Variants in SESTD1 observed in about 807,000 individuals in gnomAD.
SESTD1 encodes SEC14 domain and spectrin repeat-containing protein 1.
Under a neutral mutation model 101.7 loss-of-function variants are expected in SESTD1, and 43 were observed. The observed-to-expected ratio is 0.42, with a 90% confidence interval of 0.33 to 0.55. The LOEUF is 0.55. SESTD1 is among the 20% of genes least tolerant of loss of function. The pLI is 0.07. For missense variants in SESTD1, 647 were observed against 815.1 expected, an observed-to-expected ratio of 0.79 and a Z score of 2.51; for synonymous variants, 283 against 286.8, an observed-to-expected ratio of 0.99 and a Z score of 0.13.
intron 1 of SESTD1, among the ~76,000 whole-genome samples, chr2:179,207,999 G>A (rs1416936483): frequency 7.5e-6 from 1 of 133,450 alleles, no homozygotes; most frequent in East Asian, 2.0e-4. Flanking sequence ...TAACGAAAAC[G>A]TCTCCAGAGA....
rs1227643660 is a variant in SESTD1, at chr2:179,207,101, C to T, written c.-25-15235G>A. The stretch of plus-strand genomic sequence containing the variant: ...TAGTCTAACCCTGCCGATGGTTTTG[C>T]TCTATCTGCCCTGGTAGCCAAAGAC... On this transcript the variant is annotated intron_variant, in intron 1 of 17. Transcript: ENST00000428443. 1.5e-5 allele frequency among the ~76,000 whole-genome samples: 2 copies of T among 133,694 alleles called. 1 individual carries two copies. The highest frequency in any genetic ancestry group is 6.0e-5 in the African/African-American group (2 of 33,552). 87.7% of individuals were successfully genotyped at this position (133,694 alleles called of 152,430 possible).
At chr2:179,196,299 G>C (rs983986119) in intron 1 of SESTD1, among the ~76,000 whole-genome samples, 1 of 152,232 alleles carries the variant, frequency 6.6e-6, no homozygotes, top group East Asian at 1.9e-4. Flanking sequence ...CTGGCTCGGA[G>C]GGTCCTACAC....
chr2:179,197,429 C>A (rs891226403), intron 1 of SESTD1, among the ~76,000 whole-genome samples: 4 of 152,178 alleles, frequency 2.6e-5, no homozygotes, highest in African/African-American at 9.6e-5. Flanking sequence ...GCAAGGCAGG[C>A]CAACATTCAC....
intron 1 of SESTD1, among the ~76,000 whole-genome samples, chr2:179,256,496 T>C (rs1349127959): frequency 2.0e-5 from 3 of 152,108 alleles, no homozygotes; most frequent in Non-Finnish European, 4.4e-5. Context: ...TGTGACTGAA[T>C]TGCTGCAATC....
intron 1 of SESTD1, among the ~76,000 whole-genome samples, chr2:179,256,664 G>A (rs2047398032): frequency 6.6e-6 from 1 of 151,866 alleles, no homozygotes; most frequent in Non-Finnish European, 1.5e-5. Context: ...TACAAAAAAT[G>A]AGCCGGGCAT....
intron 2 of SESTD1, among the ~76,000 whole-genome samples, chr2:179,183,576 T>C (rs1354059632): frequency 6.6e-6 from 1 of 152,046 alleles, no homozygotes; most frequent in Non-Finnish European, 1.5e-5. Flanking sequence ...AGAAATATGA[T>C]AGTTTGTTAT....
Position 179,203,894 on chromosome 2 carries a change from C to T in SESTD1, c.-25-12028G>A, listed in dbSNP as rs1271134427. Among the ~76,000 whole-genome samples the T allele has an allele frequency of 3.7e-5, 5 of 133,770 alleles. 2 individuals are homozygous for T. Among genetic ancestry groups the T allele is most frequent in the South Asian group, 5.7e-4 (2 of 3,498 alleles). The allele number at this position is 133,770 out of a possible 152,430, so 87.8% of individuals were successfully genotyped here. The stretch of plus-strand genomic sequence containing the variant: ...CCAGCCTGGGCAACATAGCAAGATC[C>T]CTGTCTATAAAAAATAAAAAGAAAC... On this transcript the variant is annotated intron_variant, in intron 1 of 17. Coordinates refer to ENST00000428443, the MANE Select transcript of SESTD1 (RefSeq NM_178123.5).
In SESTD1 at chr2:179,107,397, A is replaced by G. The variant is rs1366132025; in HGVS notation, c.*2502T>C. 1 of 152,198 alleles carries G rather than the reference A, an allele frequency of 6.6e-6. No individual in the cohort carries two copies. The highest frequency in any genetic ancestry group is 6.5e-5 in the Admixed American group (1 of 15,272). The allele number at this position is 152,198 out of a possible 1,614,324, so 9.4% of individuals were successfully genotyped here. ...CCTTATTTTACTTTTTGTAGGCAAG[A>G]TAGCTTAAGGTATATAAAAATTAAC... On this transcript the variant is annotated 3_prime_UTR_variant, in exon 18 of 18. Coordinates refer to ENST00000428443, the MANE Select transcript of SESTD1 (RefSeq NM_178123.5).
chr2:179,161,676 G>A (rs2045739582), intron 5 of SESTD1, among the ~76,000 whole-genome samples: 1 of 150,562 alleles, frequency 6.6e-6, no homozygotes, highest in East Asian at 1.9e-4. Context: ...AAAAAAAAAA[G>A]GTATTATGCC....
intron 1 of SESTD1, among the ~76,000 whole-genome samples, chr2:179,196,596 T>C (rs1277213723): frequency 2.6e-5 from 4 of 152,210 alleles, no homozygotes; most frequent in East Asian, 1.9e-4. Flanking sequence ...TCTCCCAGCA[T>C]GCAGCTAGAG....
At position 179,102,904 on chromosome 2, in the gene SESTD1, T is replaced by G. The variant is rs377530867; in HGVS notation, c.*6995A>C. 6.6e-6 allele frequency: 1 copy of G among 152,172 alleles called. No individual in the cohort carries two copies. The highest frequency in any genetic ancestry group is 6.6e-5 in the Admixed American group (1 of 15,258). 9.4% of individuals were successfully genotyped at this position (152,172 alleles called of 1,614,324 possible). On this transcript the variant is annotated 3_prime_UTR_variant, in exon 18 of 18. Coordinates refer to ENST00000428443, the MANE Select transcript of SESTD1 (RefSeq NM_178123.5). ...TTTTTCCCACCCCGTTTTCTGCTCT[T>G]CTGGCCACCATTTGGGGGACTTCCC...
chr2:179,264,463 C>T (rs886392507), intron 1 of SESTD1, 36 bp downstream of exon 1: 10 of 150,558 alleles, frequency 6.6e-5, no homozygotes, highest in African/African-American at 2.4e-4. Flanking sequence ...GGCCTGCGCG[C>T]TTCTCCCGCC....
At chr2:179,112,402 C>G (rs1249440486) in intron 17 of SESTD1, among the ~76,000 whole-genome samples, 2 of 152,188 alleles carry the variant, frequency 1.3e-5, no homozygotes, top group African/African-American at 4.8e-5. Flanking sequence ...AATCCCTTGT[C>G]CCCTCTTCCT....
chr2:179,174,649 A>G (rs989558177), intron 4 of SESTD1, among the ~76,000 whole-genome samples: 10 of 152,198 alleles, frequency 6.6e-5, no homozygotes, highest in Admixed American at 5.9e-4. Context: ...GTGCTCCCTT[A>G]AACTGATCCT....
In SESTD1 at chr2:179,187,164, T is replaced by G. The variant is rs538344346; in HGVS notation, c.56-3976A>C. The stretch of plus-strand genomic sequence containing the variant: ...AACACCTGCTACTACAAAAACACAT[T>G]TAATTACATAGCCCACAGACCCTAT... On this transcript the variant is annotated intron_variant, in intron 2 of 17. Transcript: ENST00000428443. Among the ~76,000 whole-genome samples, 18 of 152,228 alleles carry G rather than the reference T, an allele frequency of 1.2e-4. No homozygotes were observed. In the South Asian group the frequency reaches 3.1e-3, roughly 26 times the overall value.
chr2:179,245,064 T>C (rs1170904583), intron 1 of SESTD1, among the ~76,000 whole-genome samples: 1 of 152,190 alleles, frequency 6.6e-6, no homozygotes, highest in Non-Finnish European at 1.5e-5. Context: ...AATAGAATTC[T>C]AACATCGCTT....
At chr2:179,218,405 G>C (rs2046756106) in intron 1 of SESTD1, among the ~76,000 whole-genome samples, 1 of 152,070 alleles carries the variant, frequency 6.6e-6, no homozygotes, top group African/African-American at 2.4e-5. Context: ...CTATTTATAT[G>C]GTCATTTAAA....
chr2:179,197,933 T>C (rs1461942361), intron 1 of SESTD1, among the ~76,000 whole-genome samples: 3 of 151,028 alleles, frequency 2.0e-5, no homozygotes, highest in Non-Finnish European at 4.4e-5. Context: ...AACATCATAA[T>C]GACAGGATCA....
At chr2:179,181,029 C>A (rs1276008664) in intron 3 of SESTD1, among the ~76,000 whole-genome samples, 3 of 152,186 alleles carry the variant, frequency 2.0e-5, no homozygotes, top group Non-Finnish European at 2.9e-5. Flanking sequence ...GTTCTTTCAT[C>A]TTGCTTCAAC....
Sources: gnomAD v4.1 joint callset for allele counts (sites outside exome capture counted in the v4.1 genomes callset) on GRCh38, gnomAD v4.1.1 for gene constraint, MANE v1.5 for transcripts, NCBI Gene and HGNC (gene_info 2026-07-23, HGNC 2026-07-21) for gene names.